TMEM161A: variants seen among roughly 807,000 people sequenced by gnomAD.
TMEM161A encodes the protein transmembrane protein 161A, also known as adaptive response to oxidative stress protein 29.
TMEM161A carries 46 observed loss-of-function variants against 57.1 expected under a neutral mutation model. The observed-to-expected ratio is 0.81, with a 90% confidence interval of 0.64 to 1.03. The LOEUF (loss-of-function observed/expected upper bound fraction) is 1.03, where lower values mean the gene tolerates loss of function less well. TMEM161A is among the 50% of genes least tolerant of loss of function. TMEM161A has a pLI of 0.00. For missense variants in TMEM161A, 601 were observed against 621.5 expected (o/e 0.97, Z 0.35); for synonymous variants, 288 against 279.0 (o/e 1.03, Z -0.32).
At chr19:19,130,134 C>G in intron 6 of TMEM161A, 22 bp downstream of exon 6, 1 of 1,611,064 alleles carries the variant, frequency 6.2e-7, no homozygotes, top group Non-Finnish European at 8.5e-7. Flanking sequence ...TGCGGTGGCC[C>G]CACGTTGGGG....
In TMEM161A at chr19:19,132,057, A is replaced by G. The variant is rs2059961761; in HGVS notation, c.443+295T>C. 6.6e-6 allele frequency among the ~76,000 whole-genome samples: 1 copy of G among 152,178 alleles called. No homozygotes were observed. Among genetic ancestry groups the G allele is most frequent in the Non-Finnish European group, 1.5e-5 (1 of 68,032 alleles). On this transcript the variant is annotated intron_variant, in intron 5 of 11. Coordinates refer to ENST00000162044, the MANE Select transcript of TMEM161A (RefSeq NM_017814.3). The surrounding 1 kb of genome is among the most constrained non-coding windows in gnomAD (Gnocchi z 4.3). ...TCCTTAAACAAGGAGAATGTGGTAG[A>G]AAGAATAGGGATGGGGTGGGTGACT...
At chr19:19,120,613 G>A (rs554893305) in intron 11 of TMEM161A, 152 bp downstream of exon 11, 3 of 705,210 alleles carry the variant, frequency 4.3e-6, no homozygotes, top group Admixed American at 4.9e-5. Context: ...TCCAGGCTCC[G>A]CTTCCTGCTC....
At chr19:19,123,963 A>G (rs1043122919) in intron 6 of TMEM161A, among the ~76,000 whole-genome samples, 4 of 152,046 alleles carry the variant, frequency 2.6e-5, no homozygotes, top group African/African-American at 9.7e-5. Flanking sequence ...CTGAGGCAGG[A>G]GAATCGCTTG....
chr19:19,120,348 A>G (rs1339631174), intron 11 of TMEM161A, among the ~76,000 whole-genome samples, 165 bp from the exon 12 acceptor site: 1 of 151,762 alleles, frequency 6.6e-6, no homozygotes, highest in Non-Finnish European at 1.5e-5. Context: ...CCCCTGTCCA[A>G]GGCAAACCCT....
At chr19:19,122,902 T>C (rs887137251) in intron 6 of TMEM161A, among the ~76,000 whole-genome samples, 1 of 151,942 alleles carries the variant, frequency 6.6e-6, no homozygotes, top group Non-Finnish European at 1.5e-5. Context: ...ACTTCAGAAA[T>C]TGGTGCTGTC....
At position 19,132,701 on chromosome 19, in the gene TMEM161A, G is replaced by C. The variant is rs556891366; in HGVS notation, c.242C>G (p.Pro81Arg). The change falls in exon 4 of 12, where the codon CCG becomes CGG. Residue 81 changes from proline to arginine, a missense_variant. Coordinates refer to ENST00000162044, the MANE Select transcript of TMEM161A (RefSeq NM_017814.3). The surrounding 1 kb of genome is among the most constrained non-coding windows in gnomAD (Gnocchi z 4.3). ...GAGGGGGCAGGTCTCCAGCTGGAAC[G>C]GGGCATCTCGGGGCACAGACAGTGG... ...EKPLSVPRDA[P>R]FQLETCPLTT... 1.9e-6 allele frequency: 3 copies of C among 1,579,980 alleles called. No homozygotes were observed. The highest frequency in any genetic ancestry group is 3.4e-4 in the Middle Eastern group (2 of 5,868).
At chr19:19,130,614 A>C in intron 5 of TMEM161A, 1 of 362,948 alleles carries the variant, frequency 2.8e-6, no homozygotes, top group Non-Finnish European at 5.2e-6. Context: ...TCAGATATAG[A>C]AGGGCTTCAT....
rs1458600219 is a variant in TMEM161A, at chr19:19,120,214, T to C, written c.1187-31A>G. 2.7e-6 allele frequency: 4 copies of C among 1,483,634 alleles called. No homozygotes were observed. In the African/African-American group the frequency reaches 4.3e-5, roughly 16 times the overall value. 91.9% of individuals were successfully genotyped at this position (1,483,634 alleles called of 1,614,324 possible). A position where few individuals can be genotyped will look rare whatever the true frequency, so the allele number is the denominator to read the frequency against. Reference sequence around the variant, plus strand: ...AGAAGAGGATGAAGCGAGGTATGAGTGGAAAAATGGGGGAGGGGGCGAGGG... The same window carrying C: ...AGAAGAGGATGAAGCGAGGTATGAGCGGAAAAATGGGGGAGGGGGCGAGGG... On this transcript the variant is annotated intron_variant, in intron 11 of 11. Coordinates refer to ENST00000162044, the MANE Select transcript of TMEM161A (RefSeq NM_017814.3).
chr19:19,131,283 G>T (rs1335153614), intron 5 of TMEM161A, among the ~76,000 whole-genome samples: 1 of 152,056 alleles, frequency 6.6e-6, no homozygotes, highest in Non-Finnish European at 1.5e-5. Context: ...TGGATTTTAA[G>T]ACAGGTTTCC....
At chr19:19,129,739 C>T (rs1047622635) in intron 6 of TMEM161A, among the ~76,000 whole-genome samples, 15 of 152,000 alleles carry the variant, frequency 9.9e-5, no homozygotes, top group African/African-American at 3.6e-4. Flanking sequence ...GAAACCCCAT[C>T]TTTACTAAAA....
intron 6 of TMEM161A, among the ~76,000 whole-genome samples, chr19:19,124,103 G>C (rs950500477): frequency 5.9e-5 from 9 of 151,848 alleles, no homozygotes; most frequent in Non-Finnish European, 1.0e-4. Flanking sequence ...CATACATCAT[G>C]ATAAAATGGC....
Position 19,121,389 on chromosome 19 carries a change from A to G in TMEM161A, c.833T>C (p.Leu278Pro), listed in dbSNP as rs553884857. ...FLLHTSFLSP[L>P]FILWLWTKPI... ...CTTTGTCCAGAGCCACAGGATGAAC[A>G]GGGGAGACAGGAAGCTGGTGTGCAG... Residue 278 changes from leucine to proline, a missense_variant, in exon 9 of 12, where the codon CTG (leucine) becomes CCG (proline). Transcript: ENST00000162044. The surrounding 1 kb of genome is among the most constrained non-coding windows in gnomAD (Gnocchi z 5.8). 6.2e-7 allele frequency: 1 copy of G among 1,612,468 alleles called. No individual in the cohort carries two copies. The highest frequency in any genetic ancestry group is 1.1e-5 in the South Asian group (1 of 90,832).
At chr19:19,125,959 T>A (rs1306953104) in intron 6 of TMEM161A, among the ~76,000 whole-genome samples, 1 of 151,846 alleles carries the variant, frequency 6.6e-6, no homozygotes, top group Non-Finnish European at 1.5e-5. Context: ...TGAAACCCCA[T>A]CTCTAGTAAA....
Position 19,132,354 on chromosome 19 carries a change from G to A in TMEM161A, c.441C>T (p.Ser147=), listed in dbSNP as rs771234951. The change falls in exon 5 of 12, where the codon TCC becomes TCT. Residue 147 remains serine (S), a splice_region_variant and synonymous_variant. Transcript: ENST00000162044. This position sits in a 1 kb window ranked among gnomAD's most constrained non-coding sequence, Gnocchi z 4.3. ...CAGGGAGCAGAGAGGAAGGATACAT[G>A]GAGAAGGTCACCGTGAGCAGGCACC... ...VFWCLLTVTF[S]IKMFLTVTRL... is the part of the protein sequence containing the mutation. 1 of 1,612,048 alleles carries A rather than the reference G, an allele frequency of 6.2e-7. No individual in the cohort carries two copies. The highest frequency in any genetic ancestry group is 1.1e-5 in the South Asian group (1 of 90,822).
intron 5 of TMEM161A, among the ~76,000 whole-genome samples, chr19:19,131,628 C>A (rs2059959640): frequency 6.6e-6 from 1 of 152,102 alleles, no homozygotes; most frequent in Non-Finnish European, 1.5e-5. Flanking sequence ...CGGGTTCAAG[C>A]AATTCTCCTG....
intron 2 of TMEM161A, among the ~76,000 whole-genome samples, 190 bp downstream of exon 2, chr19:19,134,594 C>A (rs1469800800): frequency 1.3e-5 from 2 of 151,948 alleles, no homozygotes; most frequent in Non-Finnish European, 2.9e-5. Flanking sequence ...AGAGTGAGAC[C>A]CTGTCTCTAA....
At chr19:19,134,737 G>T (rs2059976543) in intron 2 of TMEM161A, 47 bp downstream of exon 2, 1 of 1,401,230 alleles carries the variant, frequency 7.1e-7, no homozygotes, top group African/African-American at 1.4e-5. Flanking sequence ...GGAGCCAGAA[G>T]GGGGCGTGAC....
At position 19,121,017 on chromosome 19, in the gene TMEM161A, A is replaced by G. The variant is rs1478424812; in HGVS notation, c.1064T>C (p.Ile355Thr). ...CCTCTGCTGGATTTCACGGGCTTCG[A>G]TGCGGCCAGCCTCCCTTCGCAGCTG... The part of the protein sequence containing the change: ...VEQLRREAGR[I>T]EAREIQQRVV... The change falls in exon 10 of 12, where the codon ATC becomes ACC. Residue 355 changes from isoleucine (I) to threonine (T), a missense_variant. Coordinates refer to ENST00000162044, the MANE Select transcript of TMEM161A (RefSeq NM_017814.3). This position sits in a 1 kb window ranked among gnomAD's most constrained non-coding sequence, Gnocchi z 5.8. 2 of 1,608,512 alleles carry G rather than the reference A, an allele frequency of 1.2e-6. No homozygotes were observed. Among genetic ancestry groups the G allele is most frequent in the Non-Finnish European group, 1.7e-6 (2 of 1,177,194 alleles).
chr19:19,129,784 C>T (rs1223073233), intron 6 of TMEM161A, among the ~76,000 whole-genome samples: 2 of 151,168 alleles, frequency 1.3e-5, no homozygotes, highest in Non-Finnish European at 2.9e-5. Flanking sequence ...GGTGCACACC[C>T]ATAATCCCAG....
Sources: allele counts gnomAD v4.1 joint callset (sites outside exome capture counted in the v4.1 genomes callset), GRCh38; gene constraint gnomAD v4.1.1; non-coding constraint Gnocchi (gnomAD v3.1); transcripts MANE v1.5; gene names NCBI Gene and HGNC (gene_info 2026-07-23, HGNC 2026-07-21).